Variants in AUTS2 observed in about 807,000 individuals in gnomAD.
The protein encoded by AUTS2 is autism susceptibility gene 2 protein.
In AUTS2, 17 loss-of-function variants were observed where a neutral mutation model predicts 112.4. That is an observed-to-expected ratio of 0.15 (90% CI 0.10 to 0.23). The LOEUF (loss-of-function observed/expected upper bound fraction) is 0.23. Among genes scored for constraint, AUTS2 ranks in the 10% least tolerant of loss-of-function variants. The pLI is 1.00. For missense variants in AUTS2, 1,510 were observed against 1,701.6 expected (o/e 0.89, Z 1.98); for synonymous variants, 751 against 702.7 (o/e 1.07, Z -1.09).
At chr7:70,251,195 G>C (rs1011153289) in intron 4 of AUTS2, among the ~76,000 whole-genome samples, 5 of 151,846 alleles carry the variant, frequency 3.3e-5, no homozygotes, top group African/African-American at 1.2e-4. Context: ...CTCCCAAGTA[G>C]CTGGGATTAC....
chr7:70,020,634 G>A (rs1244704149), intron 2 of AUTS2, among the ~76,000 whole-genome samples: 3 of 151,998 alleles, frequency 2.0e-5, no homozygotes, highest in South Asian at 2.1e-4. Flanking sequence ...TCAAATTTCC[G>A]CTCAGTAGAG....
intron 5 of AUTS2, among the ~76,000 whole-genome samples, chr7:70,590,649 C>T (rs1433308599): frequency 1.3e-5 from 2 of 152,098 alleles, no homozygotes; most frequent in East Asian, 3.9e-4. Context: ...ATCGTAAATA[C>T]ACTAAAAGCC....
At chr7:70,153,186 T>C (rs190834318) in intron 4 of AUTS2, among the ~76,000 whole-genome samples, 31 of 152,326 alleles carry the variant, frequency 2.0e-4, no homozygotes, top group South Asian at 4.1e-4. Flanking sequence ...CATTATCAAC[T>C]TAATGAATGA....
At chr7:69,793,500 C>G (rs538434264) in intron 1 of AUTS2, among the ~76,000 whole-genome samples, 1 of 152,028 alleles carries the variant, frequency 6.6e-6, no homozygotes, top group East Asian at 1.9e-4. Context: ...GTGACATGAT[C>G]GTGTCTTTGA....
At chr7:69,791,576 G>A (rs913385745) in intron 1 of AUTS2, among the ~76,000 whole-genome samples, 1 of 152,186 alleles carries the variant, frequency 6.6e-6, no homozygotes, top group Non-Finnish European at 1.5e-5. Context: ...TTAATGGGAA[G>A]GTGAGGAGAA....
chr7:70,560,165 C>T (rs955834712), intron 5 of AUTS2, among the ~76,000 whole-genome samples: 37 of 152,188 alleles, frequency 2.4e-4, no homozygotes, highest in African/African-American at 8.9e-4. Context: ...ATTCAAATGT[C>T]ATCTCCTTGG....
chr7:69,946,044 AC>A (rs1796797790), intron 2 of AUTS2, among the ~76,000 whole-genome samples: 1 of 152,082 alleles, frequency 6.6e-6, no homozygotes, highest in Admixed American at 6.5e-5. Context: ...ACAGGGTCAC[AC>A]TATATTGGTT....
chr7:69,788,895 G>A (rs377316072), intron 1 of AUTS2, among the ~76,000 whole-genome samples: 2 of 152,048 alleles, frequency 1.3e-5, no homozygotes, highest in Non-Finnish European at 1.5e-5. Flanking sequence ...CAGCTCTGAC[G>A]CGTCTAGCAC....
At chr7:70,178,341 A>G (rs1191526899) in intron 4 of AUTS2, among the ~76,000 whole-genome samples, 2 of 152,280 alleles carry the variant, frequency 1.3e-5, no homozygotes, top group South Asian at 2.1e-4. Context: ...TTAAACCTGC[A>G]AGACACAGAG....
chr7:69,988,868 A>G (rs1231430608), intron 2 of AUTS2, among the ~76,000 whole-genome samples: 1 of 152,188 alleles, frequency 6.6e-6, no homozygotes, highest in Non-Finnish European at 1.5e-5. Context: ...CTTAGAGTGA[A>G]TGATTTCAAC....
intron 1 of AUTS2, among the ~76,000 whole-genome samples, chr7:69,821,200 AGAG>A (rs1308371648): frequency 1.3e-5 from 2 of 152,228 alleles, no homozygotes; most frequent in Non-Finnish European, 2.9e-5. Flanking sequence ...GGGTGGATCC[AGAG>A]GAGTAGAGAT....
At chr7:70,471,275 CAATCTTTAGA>C (rs1337469249) in intron 5 of AUTS2, among the ~76,000 whole-genome samples, 8 of 151,336 alleles carry the variant, frequency 5.3e-5, no homozygotes, top group African/African-American at 2.0e-4. Context: ...TTCTGAATAC[CAATCTTTAGA>C]AAGAAAAGGG....
At chr7:70,769,269 CAT>C (rs777329512) in intron 10 of AUTS2, among the ~76,000 whole-genome samples, 57 of 152,326 alleles carry the variant, frequency 3.7e-4, no homozygotes, top group Non-Finnish European at 7.3e-5. Context: ...AATACAAAAA[CAT>C]ATTTCACGGG....
At chr7:70,531,546 G>T (rs1420865919) in intron 5 of AUTS2, among the ~76,000 whole-genome samples, 8 of 152,184 alleles carry the variant, frequency 5.3e-5, no homozygotes, top group Non-Finnish European at 1.2e-4. Flanking sequence ...TGAAGAGGGA[G>T]CAGGCATGTC....
intron 2 of AUTS2, among the ~76,000 whole-genome samples, chr7:69,998,894 G>A (rs1799065655): frequency 6.6e-6 from 1 of 152,122 alleles, no homozygotes; most frequent in African/African-American, 2.4e-5. Context: ...GGTTGCTGGA[G>A]GTAAGGGTGT....
intron 5 of AUTS2, among the ~76,000 whole-genome samples, chr7:70,501,369 C>T (rs562874974): frequency 3.9e-5 from 6 of 152,238 alleles, no homozygotes; most frequent in South Asian, 2.1e-4. Context: ...TTAACTGGAT[C>T]GGCTGCCTCC....
intron 1 of AUTS2, among the ~76,000 whole-genome samples, chr7:69,860,857 A>T (rs1189387736): frequency 2.0e-5 from 3 of 152,204 alleles, no homozygotes; most frequent in Non-Finnish European, 2.9e-5. Flanking sequence ...AGGTCACATG[A>T]TATTTGCCAA....
At chr7:70,601,571 C>T (rs962630410) in intron 5 of AUTS2, among the ~76,000 whole-genome samples, 2 of 152,142 alleles carry the variant, frequency 1.3e-5, no homozygotes, top group South Asian at 2.1e-4. Flanking sequence ...TATTACAATT[C>T]GTGCTTCAGA....
At chr7:69,844,735 G>A (rs2071783375) in intron 1 of AUTS2, among the ~76,000 whole-genome samples, 1 of 152,038 alleles carries the variant, frequency 6.6e-6, no homozygotes, top group African/African-American at 2.4e-5. Flanking sequence ...CTTAGAGCAC[G>A]GTAGAATGTT....
Sources: gnomAD v4.1 joint callset for allele counts (sites outside exome capture counted in the v4.1 genomes callset) on GRCh38, gnomAD v4.1.1 for gene constraint, MANE v1.5 for transcripts, NCBI Gene and HGNC (gene_info 2026-07-23, HGNC 2026-07-21) for gene names.